UTP4: variants seen among roughly 807,000 people sequenced by gnomAD.
UTP4 encodes the protein U3 small nucleolar RNA-associated protein 4 homolog.
In UTP4, 45 loss-of-function variants were observed where a neutral mutation model predicts 82.4. That is an observed-to-expected ratio of 0.55 (90% CI 0.43 to 0.70). UTP4 has a LOEUF of 0.70. Among genes scored for constraint, UTP4 ranks in the 30% least tolerant of loss-of-function variants. UTP4 has a pLI of 0.00. For synonymous variants in UTP4, 348 were observed against 300.3 expected (o/e 1.16, Z -1.64); for missense variants, 819 against 858.3 (o/e 0.95, Z 0.57).
intron 16 of UTP4, among the ~76,000 whole-genome samples, chr16:69,168,143 G>A (rs902059616): frequency 1.2e-4 from 19 of 152,196 alleles, no homozygotes; most frequent in African/African-American, 4.1e-4. Context: ...TTAGTTAAAA[G>A]CTCCCAATCT....
At position 69,138,510 on chromosome 16, in the gene UTP4, A is replaced by G. The variant is rs527397012; in HGVS notation, c.436+625A>G. On this transcript the variant is annotated intron_variant, in intron 4 of 16. Coordinates refer to ENST00000314423, the MANE Select transcript of UTP4 (RefSeq NM_032830.3). ...ACCTGCCTTGGCCTCAAGTGCTGGG[A>G]TTACAGGCCTGAGCCACTTGCCCTG... is the stretch of plus-strand genomic sequence containing the variant. 7.9e-5 allele frequency among the ~76,000 whole-genome samples: 12 copies of G among 152,282 alleles called. No homozygotes were observed. The South Asian group carries it at 2.5e-3, about 32-fold the overall frequency.
chr16:69,156,028 G>T, intron 11 of UTP4, 35 bp downstream of exon 11: 1 of 1,609,158 alleles, frequency 6.2e-7, no homozygotes, highest in Non-Finnish European at 8.5e-7. Context: ...CACATAAGAG[G>T]AAACTTCCTA....
intron 16 of UTP4, 133 bp downstream of exon 16, chr16:69,167,318 C>A: frequency 1.4e-6 from 1 of 698,592 alleles, no homozygotes; most frequent in Non-Finnish European, 2.6e-6. Context: ...AGACAAGTCA[C>A]CTTTTTGAGG....
At chr16:69,141,135 A>G (rs1194459851) in intron 5 of UTP4, among the ~76,000 whole-genome samples, 2 of 151,970 alleles carry the variant, frequency 1.3e-5, no homozygotes. Flanking sequence ...CTCCACTTTT[A>G]TCTTTGTGAA....
intron 15 of UTP4, chr16:69,166,098 A>G: frequency 5.6e-6 from 1 of 177,192 alleles, no homozygotes; most frequent in Non-Finnish European, 1.2e-5. Flanking sequence ...TCAGTTTTAG[A>G]TTCTGTCCTC....
intron 6 of UTP4, among the ~76,000 whole-genome samples, chr16:69,147,317 A>G (rs1197181597): frequency 1.3e-5 from 2 of 151,804 alleles, no homozygotes; most frequent in African/African-American, 4.8e-5. Flanking sequence ...CAGCCTGGGC[A>G]ACATGGTGAA....
chr16:69,146,979 G>A (rs1963128177), intron 6 of UTP4, among the ~76,000 whole-genome samples: 1 of 143,984 alleles, frequency 6.9e-6, no homozygotes, highest in African/African-American at 2.6e-5. Flanking sequence ...TCCAGCCTGG[G>A]CGACAGAGCG....
At chr16:69,156,136 T>C in intron 11 of UTP4, 143 bp downstream of exon 11, 1 of 821,616 alleles carries the variant, frequency 1.2e-6, no homozygotes, top group Non-Finnish European at 1.9e-6. Flanking sequence ...TATGAAACAG[T>C]GTTTTATTTC....
At chr16:69,139,338 A>G (rs986965881) in intron 4 of UTP4, among the ~76,000 whole-genome samples, 1 of 152,024 alleles carries the variant, frequency 6.6e-6, no homozygotes, top group African/African-American at 2.4e-5. Context: ...TCAAGTATGA[A>G]ATAGAAAATA....
chr16:69,142,714 G>A (rs1962992918), intron 5 of UTP4, among the ~76,000 whole-genome samples: 1 of 152,174 alleles, frequency 6.6e-6, no homozygotes, highest in Non-Finnish European at 1.5e-5. Flanking sequence ...TTTTGTCACT[G>A]ATCTCTCCCT....
At chr16:69,138,453 G>T (rs761198058) in intron 4 of UTP4, among the ~76,000 whole-genome samples, 2 of 152,106 alleles carry the variant, frequency 1.3e-5, no homozygotes, top group Non-Finnish European at 2.9e-5. Flanking sequence ...GGCCAGGCTG[G>T]TCTCGAACTC....
chr16:69,146,451 C>A (rs1271072323), intron 6 of UTP4, among the ~76,000 whole-genome samples: 1 of 152,242 alleles, frequency 6.6e-6, no homozygotes, highest in African/African-American at 2.4e-5. Flanking sequence ...CATCTTGCAG[C>A]ATTATCAGTA....
At chr16:69,133,131 C>T in intron 1 of UTP4, 1 of 357,716 alleles carries the variant, frequency 2.8e-6, no homozygotes, top group Non-Finnish European at 5.3e-6. Flanking sequence ...CAGTTTAGGT[C>T]TGTTGTTTGC....
intron 13 of UTP4, among the ~76,000 whole-genome samples, chr16:69,162,450 G>A (rs1963587919): frequency 6.6e-6 from 1 of 151,358 alleles, no homozygotes; most frequent in South Asian, 2.1e-4. Flanking sequence ...AGTGGTTCAC[G>A]CCTATAATCC....
chr16:69,138,501 A>C (rs1227480988), intron 4 of UTP4, among the ~76,000 whole-genome samples: 1 of 152,126 alleles, frequency 6.6e-6, no homozygotes, highest in Non-Finnish European at 1.5e-5. Context: ...CTTGGCCTCA[A>C]GTGCTGGGAT....
chr16:69,149,780 G>A (rs1427694842), intron 6 of UTP4, among the ~76,000 whole-genome samples: 3 of 151,972 alleles, frequency 2.0e-5, no homozygotes, highest in African/African-American at 4.8e-5. Flanking sequence ...CCAGGCTGGA[G>A]TGCAGTGGTG....
chr16:69,139,326 T>C (rs529567079), intron 4 of UTP4, among the ~76,000 whole-genome samples: 2 of 152,188 alleles, frequency 1.3e-5, no homozygotes, highest in Admixed American at 1.3e-4. Flanking sequence ...TCATACATTT[T>C]GTCAAGTATG....
At chr16:69,165,276 T>C in intron 14 of UTP4, 65 bp from the exon 15 acceptor site, 1 of 1,373,154 alleles carries the variant, frequency 7.3e-7, no homozygotes, top group Non-Finnish European at 1.0e-6. Context: ...TGGTTAGGGA[T>C]GAGAATGCCC....
At chr16:69,160,547 G>T (rs1437775851) in intron 13 of UTP4, 85 bp downstream of exon 13, 5 of 941,362 alleles carry the variant, frequency 5.3e-6, no homozygotes, top group Non-Finnish European at 7.0e-6. Context: ...AGGCAGATTG[G>T]CATGACCTGG....
Sources: allele counts gnomAD v4.1 joint callset (sites outside exome capture counted in the v4.1 genomes callset), GRCh38; gene constraint gnomAD v4.1.1; transcripts MANE v1.5; gene names NCBI Gene and HGNC (gene_info 2026-07-23, HGNC 2026-07-21).